The following NKAIN2 variants were observed in gnomAD, a reference collection of about 807,000 sequenced individuals.
NKAIN2 encodes sodium/potassium-transporting ATPase subunit beta-1-interacting protein 2.
Under a neutral mutation model 32.6 loss-of-function variants are expected in NKAIN2, and 14 were observed. That is an observed-to-expected ratio of 0.43 (90% CI 0.28 to 0.67). NKAIN2 has a LOEUF of 0.67. Ranked by LOEUF, NKAIN2 falls within the 30% of genes least tolerant of loss-of-function variation. The probability of loss-of-function intolerance (pLI) is 0.17; values close to 1 mark genes in which losing one functional copy is unlikely to be tolerated. For synonymous variants in NKAIN2, 80 were observed against 87.2 expected, an observed-to-expected ratio of 0.92 and a Z score of 0.46; for missense variants, 198 against 258.3, an observed-to-expected ratio of 0.77 and a Z score of 1.60.
At chr6:123,911,363 G>C (rs763919745) in intron 1 of NKAIN2, among the ~76,000 whole-genome samples, 23 of 152,224 alleles carry the variant, frequency 1.5e-4, no homozygotes, top group Non-Finnish European at 2.5e-4. Context: ...AGGTGAAAGG[G>C]AGTGGACATC....
chr6:124,091,262 T>C (rs1333150639), intron 1 of NKAIN2, among the ~76,000 whole-genome samples: 1 of 151,860 alleles, frequency 6.6e-6, no homozygotes, highest in African/African-American at 2.4e-5. Flanking sequence ...TGGCTATAAA[T>C]TAAGAAAATC....
At chr6:124,787,834 A>G (rs1324772352) in intron 4 of NKAIN2, among the ~76,000 whole-genome samples, 1 of 152,080 alleles carries the variant, frequency 6.6e-6, no homozygotes, top group Non-Finnish European at 1.5e-5. Context: ...TTATTCTAGT[A>G]TGAAGTCCCC....
chr6:123,886,420 G>A (rs909478968), intron 1 of NKAIN2, among the ~76,000 whole-genome samples: 1 of 151,988 alleles, frequency 6.6e-6, no homozygotes, highest in African/African-American at 2.4e-5. Flanking sequence ...AATAAACAAG[G>A]ACACCAAATA....
chr6:124,357,202 T>A (rs2115153681), intron 3 of NKAIN2, among the ~76,000 whole-genome samples: 1 of 152,238 alleles, frequency 6.6e-6, no homozygotes, highest in South Asian at 2.1e-4. Context: ...GCAGAGCACA[T>A]GAAAATTTAA....
intron 1 of NKAIN2, among the ~76,000 whole-genome samples, chr6:124,137,184 A>G (rs1786849213): frequency 6.6e-6 from 1 of 152,182 alleles, no homozygotes; most frequent in Admixed American, 6.5e-5. Context: ...GTCAATGTAG[A>G]CAAATTAGTA....
At chr6:124,358,105 T>G (rs927668421) in intron 3 of NKAIN2, among the ~76,000 whole-genome samples, 1 of 152,252 alleles carries the variant, frequency 6.6e-6, no homozygotes, top group Non-Finnish European at 1.5e-5. Context: ...GGACATGAAC[T>G]CATCATTTTT....
At chr6:124,678,947 C>T (rs1201477106) in intron 4 of NKAIN2, among the ~76,000 whole-genome samples, 1 of 151,966 alleles carries the variant, frequency 6.6e-6, no homozygotes, top group Non-Finnish European at 1.5e-5. Flanking sequence ...CAAATCAGAG[C>T]GATTTACTAG....
rs114267929 is a variant in NKAIN2, at chr6:124,610,038, C to A, written c.274-48148C>A. 6.2e-3 allele frequency among the ~76,000 whole-genome samples: 950 copies of A among 152,268 alleles called. 13 individuals carry two copies. Among genetic ancestry groups the A allele is most frequent in the African/African-American group, 0.021 (858 of 41,550 alleles). ...TGTAGTGTTAATTATTTTATTATCA[C>A]TCACGACCTCCTCCTCTGTGAAGTC... is the stretch of plus-strand genomic sequence containing the variant. On this transcript the variant is annotated intron_variant, in intron 3 of 6. Coordinates refer to ENST00000368417, the MANE Select transcript of NKAIN2 (RefSeq NM_001040214.3).
intron 1 of NKAIN2, among the ~76,000 whole-genome samples, chr6:124,176,097 A>G (rs1451378617): frequency 1.3e-5 from 2 of 152,190 alleles, no homozygotes; most frequent in East Asian, 3.9e-4. Context: ...TTGGTTTTCC[A>G]GTACATATAA....
At chr6:123,926,741 C>T (rs1776023313) in intron 1 of NKAIN2, among the ~76,000 whole-genome samples, 1 of 152,146 alleles carries the variant, frequency 6.6e-6, no homozygotes, top group Non-Finnish European at 1.5e-5. Flanking sequence ...CTCTCCTTAC[C>T]ACTGGTTCAT....
At chr6:124,754,333 C>A (rs1562364617) in intron 4 of NKAIN2, among the ~76,000 whole-genome samples, 1 of 152,120 alleles carries the variant, frequency 6.6e-6, no homozygotes, top group East Asian at 1.9e-4. Flanking sequence ...GAGTTCATCA[C>A]ATCCTTTAAT....
intron 1 of NKAIN2, among the ~76,000 whole-genome samples, chr6:123,951,357 G>GT (rs1229913781): frequency 1.3e-5 from 2 of 151,970 alleles, no homozygotes; most frequent in African/African-American, 4.8e-5. Flanking sequence ...AGAGTGAAGT[G>GT]TTGATTTCTT....
chr6:124,323,477 T>C (rs933232877), intron 2 of NKAIN2, among the ~76,000 whole-genome samples: 3 of 152,196 alleles, frequency 2.0e-5, no homozygotes, highest in Admixed American at 6.5e-5. Flanking sequence ...GCATAAGATA[T>C]ACAGTTTAGG....
At chr6:124,806,734 C>T (rs1449962267) in intron 5 of NKAIN2, among the ~76,000 whole-genome samples, 2 of 152,044 alleles carry the variant, frequency 1.3e-5, no homozygotes, top group Non-Finnish European at 1.5e-5. Context: ...GTGCTGTATT[C>T]AGGAAACCCA....
chr6:123,880,704 C>G (rs1003639765), intron 1 of NKAIN2, among the ~76,000 whole-genome samples: 1 of 152,102 alleles, frequency 6.6e-6, no homozygotes, highest in African/African-American at 2.4e-5. Context: ...AAAAATATTG[C>G]TTATTTAATG....
At chr6:124,247,749 T>C (rs1469137760) in intron 1 of NKAIN2, among the ~76,000 whole-genome samples, 2 of 152,142 alleles carry the variant, frequency 1.3e-5, no homozygotes, top group African/African-American at 2.4e-5. Flanking sequence ...ATTATTCCAG[T>C]TCTCTTTGTG....
intron 3 of NKAIN2, among the ~76,000 whole-genome samples, chr6:124,642,608 A>G (rs1334510381): frequency 1.3e-5 from 2 of 152,200 alleles, no homozygotes; most frequent in Non-Finnish European, 2.9e-5. Flanking sequence ...TCATGAAAAT[A>G]CGTGATTCTT....
chr6:124,003,218 T>A (rs2114717030), intron 1 of NKAIN2, among the ~76,000 whole-genome samples: 1 of 152,318 alleles, frequency 6.6e-6, no homozygotes, highest in South Asian at 2.1e-4. Flanking sequence ...GAGATAAAAA[T>A]CTGGAGTCAC....
chr6:124,148,293 A>G (rs1177318864), intron 1 of NKAIN2, among the ~76,000 whole-genome samples: 1 of 57,434 alleles, frequency 1.7e-5, no homozygotes, highest in Non-Finnish European at 4.5e-5. Flanking sequence ...TTTAACTTAT[A>G]GAATTTGGTG....
Sources: gnomAD v4.1 joint callset for allele counts (sites outside exome capture counted in the v4.1 genomes callset) on GRCh38, gnomAD v4.1.1 for gene constraint, MANE v1.5 for transcripts, NCBI Gene and HGNC (gene_info 2026-07-23, HGNC 2026-07-21) for gene names.